The following CSMD2 variants were observed in gnomAD, a reference collection of about 807,000 sequenced individuals.
CSMD2 encodes the protein CUB and Sushi multiple domains 2, also known as CUB and sushi domain-containing protein 2.
Under a neutral mutation model 398.5 loss-of-function variants are expected in CSMD2, and 130 were observed. The ratio of observed to expected loss-of-function variants is 0.33; its 90% CI spans 0.28 to 0.38. The LOEUF is 0.38. Ranked by LOEUF, CSMD2 falls within the 10% of genes least tolerant of loss-of-function variation. CSMD2 has a pLI of 1.00. For synonymous variants in CSMD2, 1,828 were observed against 1,908.5 expected, an observed-to-expected ratio of 0.96 and a Z score of 1.10; for missense variants, 3,829 against 4,764.9, an observed-to-expected ratio of 0.80 and a Z score of 5.78.
intron 47 of CSMD2, among the ~76,000 whole-genome samples, chr1:33,581,972 T>C (rs557346850): frequency 1.3e-5 from 2 of 152,308 alleles, no homozygotes; most frequent in South Asian, 4.1e-4. Flanking sequence ...GGGCTAGGTC[T>C]GCTGTGTAAA....
intron 25 of CSMD2, among the ~76,000 whole-genome samples, chr1:33,671,692 G>C (rs1467163400): frequency 6.6e-6 from 1 of 152,030 alleles, no homozygotes; most frequent in Non-Finnish European, 1.5e-5. Flanking sequence ...ACTGTGCTTT[G>C]CTGAGGCTAG....
chr1:33,889,341 T>G (rs972764098), intron 5 of CSMD2, among the ~76,000 whole-genome samples: 2 of 152,110 alleles, frequency 1.3e-5, no homozygotes, highest in Admixed American at 1.3e-4. Flanking sequence ...ACACTAATAA[T>G]TGGAGGAATG....
At chr1:33,674,173 T>A (rs554670831) in intron 25 of CSMD2, among the ~76,000 whole-genome samples, 3 of 151,830 alleles carry the variant, frequency 2.0e-5, no homozygotes, top group Admixed American at 2.0e-4. Flanking sequence ...GCAAATTGGA[T>A]AGAGTCAAGA....
chr1:33,756,358 G>T (rs541522438), intron 13 of CSMD2, among the ~76,000 whole-genome samples: 1 of 152,282 alleles, frequency 6.6e-6, no homozygotes, highest in Non-Finnish European at 1.5e-5. Context: ...CTAGGTATGG[G>T]ATCAGCAGCC....
intron 53 of CSMD2, among the ~76,000 whole-genome samples, chr1:33,563,497 A>G (rs1484934712): frequency 1.3e-5 from 2 of 152,120 alleles, no homozygotes; most frequent in Non-Finnish European, 2.9e-5. Flanking sequence ...ATCTCTGCAG[A>G]ATAGAAAGTG....
chr1:34,146,676 G>A (rs1031282373), intron 1 of CSMD2, among the ~76,000 whole-genome samples: 5 of 152,208 alleles, frequency 3.3e-5, no homozygotes, highest in African/African-American at 4.8e-5. Flanking sequence ...GTGAAAGGGA[G>A]CAGAGAGGGG....
At chr1:33,629,065 G>GA (rs199766428) in intron 32 of CSMD2, among the ~76,000 whole-genome samples, 3,748 of 128,316 alleles carry the variant, frequency 0.029, 131 homozygotes, top group African/African-American at 0.084. Flanking sequence ...AAGCCCTACT[G>GA]AAAAAAAAAA....
intron 5 of CSMD2, among the ~76,000 whole-genome samples, chr1:33,910,613 T>C (rs926679097): frequency 6.6e-6 from 1 of 152,164 alleles, no homozygotes; most frequent in Non-Finnish European, 1.5e-5. Context: ...GGTGGGCACA[T>C]GACTCAGGCT....
chr1:34,093,884 T>A (rs1009285609), intron 1 of CSMD2, among the ~76,000 whole-genome samples: 4 of 151,720 alleles, frequency 2.6e-5, no homozygotes, highest in Admixed American at 2.0e-4. Flanking sequence ...CAGGCCAACG[T>A]TCAGATTCAG....
At chr1:33,973,022 G>T (rs1645828093) in intron 3 of CSMD2, among the ~76,000 whole-genome samples, 1 of 152,170 alleles carries the variant, frequency 6.6e-6, no homozygotes, top group African/African-American at 2.4e-5. Flanking sequence ...ATCCAAGGTT[G>T]CCCAGTTGCA....
intron 33 of CSMD2, among the ~76,000 whole-genome samples, chr1:33,625,743 T>C (rs577049283): frequency 6.6e-6 from 1 of 152,248 alleles, no homozygotes; most frequent in African/African-American, 2.4e-5. Context: ...TCCCCTGTGA[T>C]AGGATCACTC....
At chr1:34,033,709 T>C (rs1053740384) in intron 2 of CSMD2, among the ~76,000 whole-genome samples, 6 of 152,202 alleles carry the variant, frequency 3.9e-5, no homozygotes, top group Non-Finnish European at 8.8e-5. Flanking sequence ...GTCCCCATTT[T>C]TAGGTAATTT....
At chr1:33,962,397 A>T (rs1048558775) in intron 3 of CSMD2, among the ~76,000 whole-genome samples, 4 of 152,312 alleles carry the variant, frequency 2.6e-5, no homozygotes, top group Middle Eastern at 3.4e-3. Context: ...CATGTGCAGC[A>T]TCTGTGCAAA....
intron 3 of CSMD2, among the ~76,000 whole-genome samples, chr1:34,031,271 C>T (rs1650378105): frequency 2.0e-5 from 3 of 151,964 alleles, no homozygotes; most frequent in Admixed American, 2.0e-4. Flanking sequence ...TCCTGTTGCC[C>T]AGGATGGTCT....
At chr1:33,810,609 TA>T (rs11418676) in intron 10 of CSMD2, 133 bp downstream of exon 10, 981 of 728,204 alleles carry the variant, frequency 1.3e-3, no homozygotes, top group Non-Finnish European at 1.6e-3. Context: ...TCGATATTAA[TA>T]AAAAAAAAAG....
intron 5 of CSMD2, among the ~76,000 whole-genome samples, chr1:33,850,985 T>G (rs754690515): frequency 1.3e-5 from 2 of 152,176 alleles, no homozygotes; most frequent in Non-Finnish European, 2.9e-5. Context: ...AGTCGGGATG[T>G]TGGGGAGCTG....
At chr1:33,577,131 A>C (rs1638316354) in intron 49 of CSMD2, among the ~76,000 whole-genome samples, 165 bp downstream of exon 49, 1 of 152,210 alleles carries the variant, frequency 6.6e-6, no homozygotes, top group African/African-American at 2.4e-5. Flanking sequence ...TGGATCTCAA[A>C]ACACTGAGAT....
chr1:33,765,668 T>C (rs1287844378), intron 13 of CSMD2, among the ~76,000 whole-genome samples: 1 of 152,120 alleles, frequency 6.6e-6, no homozygotes, highest in Non-Finnish European at 1.5e-5. Flanking sequence ...TGAAAATAAA[T>C]CACAAATACT....
At chr1:33,629,611 G>T (rs1263918473) in intron 32 of CSMD2, among the ~76,000 whole-genome samples, 1 of 152,106 alleles carries the variant, frequency 6.6e-6, no homozygotes, top group Non-Finnish European at 1.5e-5. Flanking sequence ...CGGTCCTTAA[G>T]CTTTTTCTCC....
Sources: allele counts gnomAD v4.1 joint callset (sites outside exome capture counted in the v4.1 genomes callset), GRCh38; gene constraint gnomAD v4.1.1; transcripts MANE v1.5; gene names NCBI Gene and HGNC (gene_info 2026-07-23, HGNC 2026-07-21).